NFYC: variants seen among roughly 807,000 people sequenced by gnomAD.
NFYC encodes nuclear transcription factor Y subunit gamma, also known as CAAT box DNA-binding protein subunit C.
A neutral mutation model predicts 53.1 loss-of-function variants in NFYC; 25 were observed. The observed-to-expected ratio is 0.47, with a 90% confidence interval of 0.34 to 0.66. The LOEUF is 0.66. NFYC is among the 30% of genes least tolerant of loss of function. The pLI, the probability that NFYC is intolerant of heterozygous loss-of-function variation, is 0.01. For synonymous variants in NFYC, 145 were observed against 152.6 expected (o/e 0.95, Z 0.37); for missense variants, 260 against 422.7 (o/e 0.62, Z 3.38).
chr1:40,728,059 G>A (rs975810513), intron 1 of NFYC, among the ~76,000 whole-genome samples: 11 of 151,930 alleles, frequency 7.2e-5, no homozygotes, highest in South Asian at 2.1e-4. Flanking sequence ...GACTACAGGC[G>A]TGCACCAACA....
intron 5 of NFYC, among the ~76,000 whole-genome samples, chr1:40,756,172 T>C (rs1646208049): frequency 6.6e-6 from 1 of 152,232 alleles, no homozygotes; most frequent in Non-Finnish European, 1.5e-5. Context: ...TCAATAGCTT[T>C]GCAAAGAGCA....
At position 40,749,663 on chromosome 1, in the gene NFYC, G is replaced by A; in HGVS notation, c.268G>A (p.Asp90Asn). 6.2e-7 allele frequency: 1 copy of A among 1,614,156 alleles called. No individual in the cohort carries two copies. Among genetic ancestry groups the A allele is most frequent in the Non-Finnish European group, 8.5e-7 (1 of 1,179,988 alleles). ...TCTTCGAGCCTGGATTCACACAGAA[G>A]ATAACAAGCGCCGGACTCTACAGGT... ...LTLRAWIHTE[D>N]NKRRTLQRND... The change falls in exon 4 of 10, where the codon GAT becomes AAT. Residue 90 changes from aspartate (D) to asparagine (N), a missense_variant. Asp to Asn is a conservative substitution (Grantham distance 23, BLOSUM62 1). Transcript: ENST00000447388.
At chr1:40,720,315 C>T (rs955611749) in intron 1 of NFYC, among the ~76,000 whole-genome samples, 6 of 152,138 alleles carry the variant, frequency 3.9e-5, no homozygotes, top group Non-Finnish European at 7.3e-5. Flanking sequence ...TTTCTGCCTT[C>T]CCCTGTCCCA....
intron 1 of NFYC, among the ~76,000 whole-genome samples, chr1:40,693,985 C>A (rs1337349506): frequency 6.6e-6 from 1 of 152,198 alleles, no homozygotes; most frequent in Non-Finnish European, 1.5e-5. Context: ...GAAGATTTAC[C>A]AAGTAAATTG....
intron 6 of NFYC, 26 bp downstream of exon 6, chr1:40,758,320 T>A: frequency 6.3e-7 from 1 of 1,587,214 alleles, no homozygotes; most frequent in Non-Finnish European, 8.6e-7. Flanking sequence ...AGGATGCCCA[T>A]CCAGCAAGAC....
chr1:40,771,000 G>C lies in NFYC; in HGVS notation c.*172G>C. On this transcript the variant is annotated 3_prime_UTR_variant, in exon 10 of 10. Transcript: ENST00000447388. The surrounding 1 kb of genome is among the most constrained non-coding windows in gnomAD (Gnocchi z 5.3). ...GGGGGCCGAGATTCTCCAGCAGAAA[G>C]ATGCAATATTTTTTGTTTCCTTTTT... 1.6e-6 allele frequency: 1 copy of C among 643,962 alleles called. No homozygotes were observed. The highest frequency in any genetic ancestry group is 2.0e-5 in the South Asian group (1 of 49,532). The allele number at this position is 643,962 out of a possible 1,614,324, so 39.9% of individuals were successfully genotyped here. A position where few individuals can be genotyped will look rare whatever the true frequency, so the allele number is the denominator to read the frequency against.
At chr1:40,696,184 T>A (rs920812874) in intron 1 of NFYC, among the ~76,000 whole-genome samples, 1 of 151,998 alleles carries the variant, frequency 6.6e-6, no homozygotes, top group Non-Finnish European at 1.5e-5. Flanking sequence ...CCACCATGCC[T>A]GGCTAATTTT....
At chr1:40,748,699 C>G (rs1645751231) in intron 3 of NFYC, among the ~76,000 whole-genome samples, 1 of 152,202 alleles carries the variant, frequency 6.6e-6, no homozygotes, top group African/African-American at 2.4e-5. Flanking sequence ...AAGAGGAACT[C>G]TGTCTCTTTA....
chr1:40,719,476 C>T (rs1644256830), intron 1 of NFYC, among the ~76,000 whole-genome samples: 1 of 152,188 alleles, frequency 6.6e-6, no homozygotes, highest in South Asian at 2.1e-4. Context: ...TCACCAGGCC[C>T]CCAGAAAGTG....
intron 1 of NFYC, among the ~76,000 whole-genome samples, chr1:40,724,019 C>T (rs1312241153): frequency 6.6e-6 from 1 of 152,036 alleles, no homozygotes; most frequent in Non-Finnish European, 1.5e-5. Flanking sequence ...GGCTTTGTGG[C>T]TGTATGATTT....
Position 40,753,148 on chromosome 1 carries a change from C to T in NFYC, c.292-3C>T, listed in dbSNP as rs747152965. On this transcript the variant is annotated splice_region_variant and splice_polypyrimidine_tract_variant and intron_variant, in intron 4 of 9. Transcript: ENST00000447388. ...TTTTTCACACCGCTCTTCTTTGTTA[C>T]AGAGAAATGATATCGCCATGGCAAT... 3.1e-6 allele frequency: 5 copies of T among 1,607,752 alleles called. No homozygotes were observed. In the South Asian group the frequency reaches 5.5e-5, roughly 18 times the overall value.
intron 7 of NFYC, among the ~76,000 whole-genome samples, 184 bp from the exon 8 acceptor site, chr1:40,766,412 G>T (rs1304705948): frequency 1.3e-5 from 2 of 152,198 alleles, no homozygotes; most frequent in Admixed American, 1.3e-4. Context: ...TGTGTGACTT[G>T]TGGGATGTGG....
At chr1:40,696,669 T>G (rs1295277899) in intron 1 of NFYC, among the ~76,000 whole-genome samples, 1 of 152,240 alleles carries the variant, frequency 6.6e-6, no homozygotes, top group African/African-American at 2.4e-5. Context: ...GGAATGAGAA[T>G]GGCAGAGGAC....
rs71518441 is a variant in NFYC, at chr1:40,765,078, C to T, written c.721-1518C>T. 8.2e-3 allele frequency among the ~76,000 whole-genome samples: 1,244 copies of T among 152,280 alleles called. 6 individuals carry two copies. Among genetic ancestry groups the T allele is most frequent in the Non-Finnish European group, 0.015 (1,048 of 68,030 alleles). Reference sequence around the variant, plus strand: ...TCTGGGGACTCCTGGAACTAGCCACCATCAGTCTCTGTAGATGAGGTTTTC... The same window carrying T: ...TCTGGGGACTCCTGGAACTAGCCACTATCAGTCTCTGTAGATGAGGTTTTC... On this transcript the variant is annotated intron_variant, in intron 7 of 9. Coordinates refer to ENST00000447388, the MANE Select transcript of NFYC (RefSeq NM_014223.5).
intron 2 of NFYC, 151 bp from the exon 3 acceptor site, chr1:40,747,383 C>T: frequency 1.8e-6 from 1 of 557,256 alleles, no homozygotes; most frequent in East Asian, 3.0e-5. Context: ...TGCTCTGGAG[C>T]TTGTATTTTC....
intron 7 of NFYC, chr1:40,763,365 G>T (rs1219635537): frequency 4.4e-6 from 2 of 455,072 alleles, no homozygotes; most frequent in Non-Finnish European, 8.8e-6. Flanking sequence ...CTTTTTAGGA[G>T]ACAGGTCTTG....
At chr1:40,758,649 A>G (rs1646365345) in intron 6 of NFYC, among the ~76,000 whole-genome samples, 1 of 152,202 alleles carries the variant, frequency 6.6e-6, no homozygotes, top group African/African-American at 2.4e-5. Context: ...CTGTGTGAGA[A>G]GTGGAATTTG....
intron 4 of NFYC, among the ~76,000 whole-genome samples, chr1:40,750,175 A>C (rs1468019986): frequency 1.3e-5 from 2 of 151,244 alleles, no homozygotes; most frequent in African/African-American, 2.4e-5. Flanking sequence ...TTTAATTTTT[A>C]ACCTAGCGAA....
intron 5 of NFYC, among the ~76,000 whole-genome samples, chr1:40,755,451 C>T (rs1646159701): frequency 6.6e-6 from 1 of 152,218 alleles, no homozygotes; most frequent in African/African-American, 2.4e-5. Context: ...CTCAAAGATA[C>T]TTGAGAGTTT....
Sources: gnomAD v4.1 joint callset for allele counts (sites outside exome capture counted in the v4.1 genomes callset) on GRCh38, gnomAD v4.1.1 for gene constraint, Gnocchi (gnomAD v3.1) non-coding constraint, MANE v1.5 for transcripts, NCBI Gene and HGNC (gene_info 2026-07-23, HGNC 2026-07-21) for gene names.